NRG1: variants seen among roughly 807,000 people sequenced by gnomAD.
The protein encoded by NRG1 is pro-neuregulin-1, membrane-bound isoform.
In NRG1, 18 loss-of-function variants were observed where a neutral mutation model predicts 63.8. The observed-to-expected ratio is 0.28, with a 90% CI of 0.19 to 0.42. The LOEUF (loss-of-function observed/expected upper bound fraction) is 0.42. NRG1 is among the 10% of genes least tolerant of loss of function. The pLI, the probability that NRG1 is intolerant of heterozygous loss-of-function variation, is 1.00. For synonymous variants in NRG1, 302 were observed against 301.3 expected (o/e 1.00, Z -0.02); for missense variants, 762 against 814.7 (o/e 0.94, Z 0.79).
At chr8:32,747,501 G>A (rs1285162659) in intron 7 of NRG1, among the ~76,000 whole-genome samples, 2 of 151,988 alleles carry the variant, frequency 1.3e-5, no homozygotes, top group East Asian at 1.9e-4. Context: ...AGTGTTGCAC[G>A]GAGGCAAGAG....
At chr8:32,453,717 G>A (rs1310677050) in intron 1 of NRG1, among the ~76,000 whole-genome samples, 1 of 152,166 alleles carries the variant, frequency 6.6e-6, no homozygotes, top group Non-Finnish European at 1.5e-5. Flanking sequence ...GAGCATCGTT[G>A]TTGATACTCA....
chr8:32,436,037 T>C (rs777691662), intron 1 of NRG1, among the ~76,000 whole-genome samples: 26 of 152,168 alleles, frequency 1.7e-4, no homozygotes, highest in Non-Finnish European at 3.5e-4. Flanking sequence ...TAATCACTTC[T>C]CACACTGCTG....
intron 1 of NRG1, among the ~76,000 whole-genome samples, chr8:31,930,912 C>A (rs1834805201): frequency 6.6e-6 from 1 of 152,122 alleles, no homozygotes; most frequent in Non-Finnish European, 1.5e-5. Context: ...ATTGTTTCTC[C>A]AGATGTTACA....
chr8:32,037,192 A>G (rs1316601940), intron 1 of NRG1, among the ~76,000 whole-genome samples: 1 of 152,134 alleles, frequency 6.6e-6, no homozygotes, highest in Non-Finnish European at 1.5e-5. Context: ...ACCTTCTTAC[A>G]TAGGGCTGCA....
At chr8:32,390,482 A>T (rs937414735) in intron 1 of NRG1, among the ~76,000 whole-genome samples, 3 of 151,844 alleles carry the variant, frequency 2.0e-5, no homozygotes, top group African/African-American at 7.3e-5. Flanking sequence ...GAGCACCTTT[A>T]GTCCCAGCTA....
intron 1 of NRG1, among the ~76,000 whole-genome samples, chr8:32,179,213 A>AAAAAG (rs1841157903): frequency 6.8e-6 from 1 of 146,784 alleles, no homozygotes; most frequent in African/African-American, 2.5e-5. Context: ...AAAAAAAAAA[A>AAAAAG]GTAGGAGGGA....
intron 1 of NRG1, among the ~76,000 whole-genome samples, chr8:32,205,227 A>G (rs1843914604): frequency 6.6e-6 from 1 of 152,214 alleles, no homozygotes; most frequent in Admixed American, 6.5e-5. Flanking sequence ...TTTATATTTT[A>G]CAAATATTTC....
intron 1 of NRG1, among the ~76,000 whole-genome samples, chr8:32,238,393 T>G (rs1387642876): frequency 6.6e-6 from 1 of 150,518 alleles, no homozygotes; most frequent in African/African-American, 2.5e-5. Flanking sequence ...TGGCGGAGAT[T>G]GCAGTGAGCC....
chr8:31,788,446 T>C (rs1281323341), intron 1 of NRG1, among the ~76,000 whole-genome samples: 1 of 152,178 alleles, frequency 6.6e-6, no homozygotes, highest in East Asian at 1.9e-4. Context: ...CCTATTGTCT[T>C]CTTAAATCTC....
rs745716430 is a variant in NRG1, at chr8:32,069,967, TAG to T, written c.37+430541_37+430542del. 5.9e-5 allele frequency among the ~76,000 whole-genome samples: 9 copies of T among 152,276 alleles called. No homozygotes were observed. In the East Asian group the frequency reaches 1.4e-3, roughly 23 times the overall value. On this transcript the variant is annotated intron_variant, in intron 1 of 10. Transcript: ENST00000519301. ...TGTAATTAGAGCAGTTCATCCTCGG[TAG>T]AGAGTCCTTTGTGGTTCCCAGCTGG...
intron 1 of NRG1, among the ~76,000 whole-genome samples, chr8:31,817,574 T>A (rs760147698): frequency 1.3e-5 from 2 of 152,220 alleles, no homozygotes; most frequent in African/African-American, 2.4e-5. Context: ...ATATTTGCAT[T>A]TTTCTTTATT....
chr8:32,338,458 A>G (rs979828527), intron 1 of NRG1, among the ~76,000 whole-genome samples: 2 of 152,156 alleles, frequency 1.3e-5, no homozygotes, highest in Non-Finnish European at 2.9e-5. Flanking sequence ...TATGTTTGAT[A>G]AGTATGAGGC....
At chr8:32,577,807 G>A (rs982087211) in intron 1 of NRG1, among the ~76,000 whole-genome samples, 1 of 150,516 alleles carries the variant, frequency 6.6e-6, no homozygotes, top group Non-Finnish European at 1.5e-5. Context: ...AAACTGTTAT[G>A]TACCATCATT....
At chr8:32,127,941 C>T (rs578206049) in intron 1 of NRG1, among the ~76,000 whole-genome samples, 1 of 151,798 alleles carries the variant, frequency 6.6e-6, no homozygotes, top group Non-Finnish European at 1.5e-5. Flanking sequence ...TTCTTAAAAA[C>T]AAAACAAAAA....
chr8:31,834,303 G>GCACA (rs1164361651), intron 1 of NRG1, among the ~76,000 whole-genome samples: 35 of 15,280 alleles, frequency 2.3e-3, no homozygotes, highest in South Asian at 8.8e-3. Context: ...GTGCGCGCAC[G>GCACA]CGCGCACACA....
At chr8:32,646,868 T>G (rs1679050153) in intron 5 of NRG1, 10 of 967,580 alleles carry the variant, frequency 1.0e-5, no homozygotes, top group African/African-American at 5.9e-5. Flanking sequence ...AGCTCTAGAG[T>G]GTGGGTAGAG....
At chr8:32,302,190 G>C (rs1855650928) in intron 1 of NRG1, among the ~76,000 whole-genome samples, 1 of 152,136 alleles carries the variant, frequency 6.6e-6, no homozygotes, top group African/African-American at 2.4e-5. Flanking sequence ...GAATTCCCAG[G>C]TTTCCTTGAG....
chr8:31,734,881 C>G (rs1383602935), intron 1 of NRG1, among the ~76,000 whole-genome samples: 1 of 152,060 alleles, frequency 6.6e-6, no homozygotes, highest in Non-Finnish European at 1.5e-5. Context: ...TTGTATTACC[C>G]TCCCTCTTTC....
At chr8:31,696,241 AT>A (rs1480713304) in intron 1 of NRG1, among the ~76,000 whole-genome samples, 1 of 152,012 alleles carries the variant, frequency 6.6e-6, no homozygotes, top group Non-Finnish European at 1.5e-5. Flanking sequence ...TAATTTTTGC[AT>A]TTTTAATAGA....
Sources: gnomAD v4.1 joint callset for allele counts (sites outside exome capture counted in the v4.1 genomes callset) on GRCh38, gnomAD v4.1.1 for gene constraint, MANE v1.5 for transcripts, NCBI Gene and HGNC (gene_info 2026-07-23, HGNC 2026-07-21) for gene names.